The following LRBA variants were observed in gnomAD, a reference collection of about 807,000 sequenced individuals.
LRBA encodes LPS responsive beige-like anchor protein.
A neutral mutation model predicts 330.0 loss-of-function variants in LRBA; 176 were observed. The ratio of observed to expected loss-of-function variants is 0.53; its 90% CI spans 0.47 to 0.60. The LOEUF (loss-of-function observed/expected upper bound fraction) is 0.60, where lower values mean the gene tolerates loss of function less well. Among genes scored for constraint, LRBA ranks in the 20% least tolerant of loss-of-function variants. The pLI, the probability that LRBA is intolerant of heterozygous loss-of-function variation, is 0.00. For missense variants in LRBA, 3,259 were observed against 3,444.8 expected (o/e 0.95, Z 1.35); for synonymous variants, 1,230 against 1,193.0 (o/e 1.03, Z -0.64).
chr4:150,383,562 G>A (rs1465909529), intron 47 of LRBA, among the ~76,000 whole-genome samples: 1 of 152,042 alleles, frequency 6.6e-6, no homozygotes, highest in Non-Finnish European at 1.5e-5. Flanking sequence ...ATTTTGTATA[G>A]ATAACTTAAA....
chr4:150,536,921 C>T (rs943160518), intron 40 of LRBA, among the ~76,000 whole-genome samples: 1 of 152,182 alleles, frequency 6.6e-6, no homozygotes, highest in African/African-American at 2.4e-5. Context: ...GCAATTTACA[C>T]ATTCAACACT....
In LRBA at chr4:150,523,818, C is replaced by A. The variant is rs575734197; in HGVS notation, c.6331-32783G>T. On this transcript the variant is annotated intron_variant, in intron 40 of 56. Transcript: ENST00000651943. The stretch of plus-strand genomic sequence containing the variant: ...GAATGGGAAGAATCTATCTATCTAC[C>A]CATCCATCCATCCATCTATACACAA... Among the ~76,000 whole-genome samples, 128 of 151,948 alleles carry A rather than the reference C, an allele frequency of 8.4e-4. No homozygotes were observed. In the Middle Eastern group the frequency reaches 0.01, roughly 12 times the overall value.
intron 40 of LRBA, among the ~76,000 whole-genome samples, chr4:150,559,921 AATATAAATATATATATATCT>A (rs1242493347): frequency 2.9e-5 from 2 of 70,100 alleles, no homozygotes; most frequent in African/African-American, 5.6e-5. Flanking sequence ...ATAATATATA[AATATAAATATATATATATCT>A]ATATAAATAT....
At chr4:150,854,724 GAA>G (rs1177055837) in intron 22 of LRBA, among the ~76,000 whole-genome samples, 3 of 152,260 alleles carry the variant, frequency 2.0e-5, no homozygotes, top group Non-Finnish European at 2.9e-5. Flanking sequence ...CATGTAAAAA[GAA>G]AAGAGTTTCA....
chr4:150,581,505 C>A, intron 40 of LRBA: 2 of 274,242 alleles, frequency 7.3e-6, no homozygotes, highest in African/African-American at 2.2e-5. Context: ...AATTTTGTTA[C>A]AGTTTGCACC....
At chr4:150,615,252 G>C (rs1385165648) in intron 37 of LRBA, among the ~76,000 whole-genome samples, 1 of 152,152 alleles carries the variant, frequency 6.6e-6, no homozygotes, top group East Asian at 1.9e-4. Context: ...AGTCTTCATA[G>C]GTTATAACAA....
intron 40 of LRBA, among the ~76,000 whole-genome samples, chr4:150,524,231 A>T (rs1013599259): frequency 6.6e-6 from 1 of 152,088 alleles, no homozygotes; most frequent in African/African-American, 2.4e-5. Context: ...GCAGAAATTA[A>T]TTTTTTCTTA....
At position 150,599,017 on chromosome 4, in the gene LRBA, G is replaced by T; in HGVS notation, c.6036C>A (p.Ala2012=). The T allele has an allele frequency of 6.2e-7, 1 of 1,613,964 alleles. No individual in the cohort carries two copies. Among genetic ancestry groups the T allele is most frequent in the Non-Finnish European group, 8.5e-7 (1 of 1,179,920 alleles). Residue 2012 remains alanine, a synonymous_variant, in exon 38 of 57, where the codon GCC becomes GCA. Transcript: ENST00000651943. Reference sequence around the variant, plus strand: ...GGTTTATACACTGACCATGTTCCACGGCTGTTTTTAGTGTCGCTTCAGGAT... The same window carrying T: ...GGTTTATACACTGACCATGTTCCACTGCTGTTTTTAGTGTCGCTTCAGGAT... ...STHPEATLKT[A]VEHATDEDIL...
At chr4:150,307,258 G>A (rs1377229276) in intron 52 of LRBA, among the ~76,000 whole-genome samples, 2 of 152,084 alleles carry the variant, frequency 1.3e-5, no homozygotes, top group African/African-American at 4.8e-5. Context: ...GTTGTTGCCA[G>A]GAGGTTGAGG....
At chr4:150,756,127 T>C (rs1734265498) in intron 35 of LRBA, among the ~76,000 whole-genome samples, 1 of 150,328 alleles carries the variant, frequency 6.7e-6, no homozygotes, top group Admixed American at 6.6e-5. Context: ...ACAAAAAGAG[T>C]ACCACCTAAA....
At chr4:150,584,263 CAA>C (rs1771801032) in intron 40 of LRBA, 1 of 806,288 alleles carries the variant, frequency 1.2e-6, no homozygotes. Context: ...AAGAAGCAAA[CAA>C]AAAGAGAGCA....
intron 11 of LRBA, among the ~76,000 whole-genome samples, chr4:150,907,073 C>A (rs1337459261): frequency 6.7e-6 from 1 of 149,916 alleles, no homozygotes; most frequent in African/African-American, 2.5e-5. Context: ...TTTTAAAGAT[C>A]CCCGGAAAGG....
intron 47 of LRBA, among the ~76,000 whole-genome samples, chr4:150,353,398 C>T (rs1434558271): frequency 6.6e-6 from 1 of 151,998 alleles, no homozygotes; most frequent in Non-Finnish European, 1.5e-5. Context: ...CCTGAGTGTC[C>T]ATGGTGTTGT....
chr4:150,392,678 T>C (rs528151061), intron 47 of LRBA, among the ~76,000 whole-genome samples: 2 of 152,262 alleles, frequency 1.3e-5, no homozygotes, highest in East Asian at 1.9e-4. Context: ...ATCAATTTTA[T>C]ATCCTGAGAA....
Position 150,993,926 on chromosome 4 carries a change from G to A in LRBA, c.216+20501C>T, listed in dbSNP as rs530909718. Among the ~76,000 whole-genome samples, 15 of 151,904 alleles carry A rather than the reference G, an allele frequency of 9.9e-5. No homozygotes were observed. The South Asian group carries it at 1.3e-3, about 13-fold the overall frequency. On this transcript the variant is annotated intron_variant, in intron 2 of 56. Transcript: ENST00000651943. Reference sequence around the variant, plus strand: ...CTAAAAATACAAAAATTAGCCTGGCGTGGTGGCAGGCACCTGTAATCCCAG... The same window carrying A: ...CTAAAAATACAAAAATTAGCCTGGCATGGTGGCAGGCACCTGTAATCCCAG...
intron 50 of LRBA, among the ~76,000 whole-genome samples, chr4:150,319,616 G>T (rs1056524084): frequency 1.3e-5 from 2 of 152,002 alleles, no homozygotes; most frequent in African/African-American, 4.8e-5. Context: ...TAATAATAGA[G>T]ATATTAAATA....
At chr4:150,807,961 T>G (rs1743046809) in intron 32 of LRBA, among the ~76,000 whole-genome samples, 1 of 152,158 alleles carries the variant, frequency 6.6e-6, no homozygotes, top group Non-Finnish European at 1.5e-5. Flanking sequence ...ATATCAGTAT[T>G]TTATAGAGGA....
intron 40 of LRBA, among the ~76,000 whole-genome samples, chr4:150,493,592 C>T (rs1228998345): frequency 6.6e-6 from 1 of 152,146 alleles, no homozygotes; most frequent in African/African-American, 2.4e-5. Flanking sequence ...TCCAGCAAAC[C>T]TGGATCTGTA....
intron 36 of LRBA, chr4:150,721,426 T>C (rs1260722066): frequency 4.9e-5 from 15 of 305,540 alleles, no homozygotes; most frequent in Non-Finnish European, 1.3e-5. Flanking sequence ...TATTCAGCAA[T>C]GCAGGTCTAT....
Sources: allele counts gnomAD v4.1 joint callset (sites outside exome capture counted in the v4.1 genomes callset), GRCh38; gene constraint gnomAD v4.1.1; transcripts MANE v1.5; gene names NCBI Gene and HGNC (gene_info 2026-07-23, HGNC 2026-07-21).